Variants in PTP4A1 observed in about 807,000 individuals in gnomAD.
PTP4A1 encodes the protein protein tyrosine phosphatase 4A1, also known as protein tyrosine phosphatase type IVA 1.
PTP4A1 carries 9 observed loss-of-function variants against 20.5 expected under a neutral mutation model. The observed-to-expected ratio is 0.44, with a 90% CI of 0.26 to 0.77. The LOEUF (loss-of-function observed/expected upper bound fraction) is 0.77, where lower values mean the gene tolerates loss of function less well. PTP4A1 is among the 30% of genes least tolerant of loss of function. The probability of loss-of-function intolerance (pLI) is 0.19; values close to 1 mark genes in which losing one functional copy is unlikely to be tolerated. For missense variants in PTP4A1, 137 were observed against 218.8 expected, an observed-to-expected ratio of 0.63 and a Z score of 2.36; for synonymous variants, 78 against 67.4, an observed-to-expected ratio of 1.16 and a Z score of -0.77.
intron 1 of PTP4A1, among the ~76,000 whole-genome samples, chr6:63,527,353 A>C (rs1775232598): frequency 6.6e-6 from 1 of 152,208 alleles, no homozygotes; most frequent in African/African-American, 2.4e-5. Context: ...GTATCACCAC[A>C]GTAACCCACA....
intron 2 of PTP4A1, among the ~76,000 whole-genome samples, chr6:63,543,446 T>C (rs1381933885): frequency 6.6e-6 from 1 of 152,254 alleles, no homozygotes. Context: ...GTGTAAATTA[T>C]AAGCTCTTTA....
chr6:63,530,999 A>G (rs1256051720), intron 2 of PTP4A1, among the ~76,000 whole-genome samples: 1 of 152,162 alleles, frequency 6.6e-6, no homozygotes, highest in Non-Finnish European at 1.5e-5. Flanking sequence ...TATAATTTCA[A>G]CTATTCAACT....
intron 1 of PTP4A1, among the ~76,000 whole-genome samples, chr6:63,526,499 A>T (rs947249549): frequency 2.7e-5 from 4 of 150,800 alleles, no homozygotes; most frequent in African/African-American, 9.8e-5. Flanking sequence ...CGCAAGCAGA[A>T]CAAAAATATT....
In PTP4A1 at chr6:63,532,551, T is replaced by C. The variant is rs370212052; in HGVS notation, c.-640+4467T>C. 1.3e-3 allele frequency among the ~76,000 whole-genome samples: 203 copies of C among 151,930 alleles called. 3 individuals are homozygous for C. Among genetic ancestry groups the C allele is most frequent in the African/African-American group, 4.7e-3 (195 of 41,446 alleles). ...TGGAGGTAGGTGCAAACCAGGTAAA[T>C]AAATGCCATTAAATCCACAAAAAAA... On this transcript the variant is annotated intron_variant, in intron 2 of 3. Coordinates refer to the PTP4A1 transcript ENST00000639568.
At position 63,580,179 on chromosome 6, in the gene PTP4A1, G is replaced by T. The variant is rs766997007; in HGVS notation, c.*5G>T. 3.8e-6 allele frequency: 6 copies of T among 1,595,416 alleles called. No homozygotes were observed. The highest frequency in any genetic ancestry group is 4.3e-6 in the Non-Finnish European group (5 of 1,164,146). Reference sequence around the variant, plus strand: ...AACAACTGTTGCATTCAATAAAATTGGGGTGCCTAATGCTACTGGAAGTGG... The same window carrying T: ...AACAACTGTTGCATTCAATAAAATTTGGGTGCCTAATGCTACTGGAAGTGG... On this transcript the variant is annotated 3_prime_UTR_variant, in exon 6 of 6. Coordinates refer to ENST00000626021, the MANE Select transcript of PTP4A1 (RefSeq NM_003463.5).
chr6:63,579,811 G>A (rs919028636), intron 5 of PTP4A1, among the ~76,000 whole-genome samples: 10 of 152,220 alleles, frequency 6.6e-5, no homozygotes, highest in Non-Finnish European at 1.0e-4. Flanking sequence ...GTGGACTTAC[G>A]TGTAAATGGA....
Position 63,576,921 on chromosome 6 carries a change from A to T in PTP4A1, c.41A>T (p.Tyr14Phe). The change falls in exon 2 of 6, where the codon TAC becomes TTC. Residue 14 changes from tyrosine to phenylalanine, a missense_variant. By Grantham distance (22) the Tyr-to-Phe change is conservative. Transcript: ENST00000626021. Reference protein sequence around the residue: ...MNRPAPVEVTYKNMRFLITHN... With the variant: ...MNRPAPVEVTFKNMRFLITHN... ...CGCCCAGCTCCTGTGGAAGTCACAT[A>T]CAAGAACATGAGATTTCTTATTACA... The T allele has an allele frequency of 1.9e-6, 3 of 1,614,030 alleles. No individual in the cohort carries two copies. Among genetic ancestry groups the T allele is most frequent in the Non-Finnish European group, 2.5e-6 (3 of 1,180,012 alleles).
At chr6:63,531,759 G>A (rs1775477952) in intron 2 of PTP4A1, among the ~76,000 whole-genome samples, 3 of 151,836 alleles carry the variant, frequency 2.0e-5, no homozygotes, top group South Asian at 4.2e-4. Context: ...CCAAAGTGCT[G>A]TGATTACAGG....
chr6:63,538,640 A>T (rs904430467), intron 2 of PTP4A1, among the ~76,000 whole-genome samples: 2 of 152,166 alleles, frequency 1.3e-5, no homozygotes, highest in Non-Finnish European at 2.9e-5. Flanking sequence ...GAGATTGCAA[A>T]AGAGATTTTC....
intron 2 of PTP4A1, among the ~76,000 whole-genome samples, chr6:63,536,249 G>A (rs1374658968): frequency 6.6e-6 from 1 of 152,112 alleles, no homozygotes; most frequent in African/African-American, 2.4e-5. Context: ...AGAATCGCTC[G>A]AACCTGGGAG....
intron 3 of PTP4A1, among the ~76,000 whole-genome samples, chr6:63,554,862 T>C (rs1016684803): frequency 6.6e-6 from 1 of 152,224 alleles, no homozygotes; most frequent in African/African-American, 2.4e-5. Context: ...ATCTTACTCT[T>C]ATTTATGTTT....
At chr6:63,521,051 G>A (rs1274315249), upstream of PTP4A1, among the ~76,000 whole-genome samples, 1 of 152,038 alleles carries the variant, frequency 6.6e-6, no homozygotes, top group East Asian at 1.9e-4. Context: ...CATGGACACA[G>A]GGAGGTGAAC....
At chr6:63,524,881 T>C (rs1029442575) in intron 1 of PTP4A1, among the ~76,000 whole-genome samples, 41 of 152,350 alleles carry the variant, frequency 2.7e-4, no homozygotes, top group African/African-American at 9.9e-4. Flanking sequence ...ATGGACAAAT[T>C]TTTAAATTGC....
At chr6:63,565,798 C>T (rs1487159949) in intron 3 of PTP4A1, among the ~76,000 whole-genome samples, 1 of 152,150 alleles carries the variant, frequency 6.6e-6, no homozygotes, top group Non-Finnish European at 1.5e-5. Flanking sequence ...GATTATTCAT[C>T]AAAACTTACT....
chr6:63,577,073 A>C (rs1030865174), intron 2 of PTP4A1, 88 bp downstream of exon 2: 1 of 992,008 alleles, frequency 1.0e-6, no homozygotes, highest in Non-Finnish European at 1.5e-6. Flanking sequence ...ACTTTGGAAA[A>C]AATGAGATGA....
chr6:63,560,132 GA>G (rs1395131349), intron 3 of PTP4A1, among the ~76,000 whole-genome samples: 1 of 152,096 alleles, frequency 6.6e-6, no homozygotes, highest in East Asian at 2.0e-4. Context: ...CTTGAAAAGT[GA>G]AAAGTACCAG....
intron 2 of PTP4A1, among the ~76,000 whole-genome samples, chr6:63,544,534 G>A (rs1581923069): frequency 6.6e-6 from 1 of 152,004 alleles, no homozygotes; most frequent in Non-Finnish European, 1.5e-5. Context: ...TCTAGTTGTC[G>A]AAGTAACATC....
Position 63,572,547 on chromosome 6 carries a change from T to C in PTP4A1, c.-618T>C. The C allele has an allele frequency of 5.0e-6, 2 of 397,436 alleles. No homozygotes were observed. Among genetic ancestry groups the C allele is most frequent in the South Asian group, 1.2e-4 (1 of 8,202 alleles). 24.6% of individuals were successfully genotyped at this position (397,436 alleles called of 1,614,324 possible). ...GGCTACGCGCTCTGCTCCGAGCCGC[T>C]CACTGCATGGTAGAGTCTGGTGCCC... On this transcript the variant is annotated 5_prime_UTR_variant, in exon 1 of 6. Transcript: ENST00000626021.
chr6:63,577,403 G>T (rs1338873146), intron 2 of PTP4A1, among the ~76,000 whole-genome samples: 3 of 152,046 alleles, frequency 2.0e-5, no homozygotes, highest in African/African-American at 7.3e-5. Context: ...CTTCCTAATG[G>T]TAGCTATGTA....
Sources: gnomAD v4.1 joint callset for allele counts (sites outside exome capture counted in the v4.1 genomes callset) on GRCh38, gnomAD v4.1.1 for gene constraint, MANE v1.5 for transcripts, NCBI Gene and HGNC (gene_info 2026-07-23, HGNC 2026-07-21) for gene names.